The following GAB4 variants were observed in gnomAD, a reference collection of about 807,000 sequenced individuals.
The protein encoded by GAB4 is GRB2 associated binding protein family member 4, also known as GRB2-associated-binding protein 4.
Under a neutral mutation model 51.3 loss-of-function variants are expected in GAB4, and 26 were observed. That is an observed-to-expected ratio of 0.51 (90% CI 0.37 to 0.70). The LOEUF is 0.70. GAB4 is among the 30% of genes least tolerant of loss of function. GAB4 has a pLI of 0.00. For synonymous variants in GAB4, 329 were observed against 291.2 expected (o/e 1.13, Z -1.32); for missense variants, 759 against 734.6 (o/e 1.03, Z -0.38).
intron 8 of GAB4, among the ~76,000 whole-genome samples, 157 bp downstream of exon 8, chr22:16,964,609 T>C (rs978080909): frequency 6.6e-6 from 1 of 152,164 alleles, no homozygotes; most frequent in Non-Finnish European, 1.5e-5. Flanking sequence ...GATTGCCTGA[T>C]ACACCTGTGC....
chr22:16,965,044 T>C (rs1333964015), intron 7 of GAB4, 134 bp downstream of exon 7: 6 of 748,174 alleles, frequency 8.0e-6, no homozygotes, highest in Admixed American at 2.8e-5. Context: ...TCACGCCTCA[T>C]GAGACGGAGA....
intron 3 of GAB4, among the ~76,000 whole-genome samples, chr22:16,971,968 T>C (rs1425237108): frequency 1.3e-5 from 2 of 152,102 alleles, no homozygotes. Context: ...ACTGAACACG[T>C]CTCTAGAGCA....
At chr22:16,970,449 C>G (rs1357002884) in intron 3 of GAB4, among the ~76,000 whole-genome samples, 1 of 152,160 alleles carries the variant, frequency 6.6e-6, no homozygotes, top group Non-Finnish European at 1.5e-5. Flanking sequence ...GCTTAGAAAT[C>G]AGACTCTAGT....
chr22:16,980,727 A>G lies in GAB4; in HGVS notation c.686+7233T>C, dbSNP rs533803041. On this transcript the variant is annotated intron_variant, in intron 3 of 9. Transcript: ENST00000400588. ...ACACCCGTATGTTTATTGCAGCACTATTCACAATAGCAAAGACTTGGAACC... is the reference window on the plus strand; with the variant it reads ...ACACCCGTATGTTTATTGCAGCACTGTTCACAATAGCAAAGACTTGGAACC... 1.4e-3 allele frequency among the ~76,000 whole-genome samples: 214 copies of G among 152,314 alleles called. 3 individuals carry two copies. The highest frequency in any genetic ancestry group is 2.5e-3 in the Non-Finnish European group (172 of 68,024).
chr22:17,002,613 G>C (rs1174457647), intron 1 of GAB4, among the ~76,000 whole-genome samples: 2 of 151,938 alleles, frequency 1.3e-5, no homozygotes, highest in African/African-American at 4.8e-5. Context: ...CTCACTCATA[G>C]GTGGGAATTG....
intron 1 of GAB4, among the ~76,000 whole-genome samples, chr22:16,998,401 G>A (rs560824790): frequency 6.6e-6 from 1 of 152,236 alleles, no homozygotes; most frequent in South Asian, 2.1e-4. Flanking sequence ...TATTCTCTTT[G>A]AAGCAATTGT....
intron 1 of GAB4, among the ~76,000 whole-genome samples, chr22:17,007,645 G>T (rs1021753632): frequency 5.3e-5 from 8 of 152,148 alleles, no homozygotes; most frequent in Non-Finnish European, 1.2e-4. Flanking sequence ...GCCGTTTTGC[G>T]AGGCTGCGGA....
At chr22:17,002,718 C>G (rs1285256590) in intron 1 of GAB4, among the ~76,000 whole-genome samples, 1 of 152,036 alleles carries the variant, frequency 6.6e-6, no homozygotes. Context: ...GGAGATATAC[C>G]TAATGTTAAA....
chr22:16,992,998 G>C (rs56401756), intron 1 of GAB4, among the ~76,000 whole-genome samples: 17,822 of 152,122 alleles, frequency 0.12, 1,173 homozygotes, highest in Admixed American at 0.17. Flanking sequence ...AGCACTGAGA[G>C]ACCTTTTTTC....
rs148866383 is a variant in GAB4 at position 16,988,199 on chromosome 22, T to C, written c.479-32A>G. On this transcript the variant is annotated intron_variant, in intron 2 of 9. Coordinates refer to ENST00000400588, the MANE Select transcript of GAB4 (RefSeq NM_001037814.1). ...ATGAAACAGGAAGGAAGGGCATCCT[T>C]GTCCTAAAGTGGGCTGCTAGAGGCA... 2.4e-5 allele frequency: 36 copies of C among 1,479,832 alleles called. 1 individual carries two copies. The African/African-American group carries it at 3.6e-4, about 15-fold the overall frequency. The allele number at this position is 1,479,832 out of a possible 1,614,324, so 91.7% of individuals were successfully genotyped here.
chr22:17,006,977 C>T (rs531542030), intron 1 of GAB4, among the ~76,000 whole-genome samples: 4 of 152,150 alleles, frequency 2.6e-5, no homozygotes, highest in South Asian at 2.1e-4. Flanking sequence ...CCACGTTCTG[C>T]ACATGTATCC....
chr22:16,990,709 G>A (rs773647838), intron 2 of GAB4, among the ~76,000 whole-genome samples: 2 of 152,178 alleles, frequency 1.3e-5, no homozygotes, highest in Non-Finnish European at 2.9e-5. Context: ...TCAGCACCAA[G>A]CCATGGCTAT....
chr22:16,976,434 A>G (rs2060779148), intron 3 of GAB4, among the ~76,000 whole-genome samples: 1 of 152,218 alleles, frequency 6.6e-6, no homozygotes, highest in Non-Finnish European at 1.5e-5. Flanking sequence ...TTGAAGATCA[A>G]CTTAATGAAA....
At chr22:16,973,828 G>A (rs2060754406) in intron 3 of GAB4, among the ~76,000 whole-genome samples, 1 of 152,168 alleles carries the variant, frequency 6.6e-6, no homozygotes, top group Non-Finnish European at 1.5e-5. Flanking sequence ...GCTCCCATCA[G>A]AACATGGACC....
intron 1 of GAB4, among the ~76,000 whole-genome samples, chr22:16,997,404 G>C (rs1021011415): frequency 6.6e-6 from 1 of 152,174 alleles, no homozygotes; most frequent in African/African-American, 2.4e-5. Context: ...GTGATGATGA[G>C]CATTTTTTCA....
intron 2 of GAB4, among the ~76,000 whole-genome samples, chr22:16,990,699 T>C (rs12158210): frequency 0.011 from 1,618 of 152,292 alleles, 26 homozygotes; most frequent in African/African-American, 0.036. Context: ...TGGGGGTCTA[T>C]CAGCACCAAG....
At chr22:16,972,601 T>C (rs1329203007) in intron 3 of GAB4, among the ~76,000 whole-genome samples, 1 of 152,160 alleles carries the variant, frequency 6.6e-6, no homozygotes, top group African/African-American at 2.4e-5. Flanking sequence ...ATGCCCATCA[T>C]CTTCCTCCTG....
At chr22:16,988,637 C>T (rs1203412654) in intron 2 of GAB4, among the ~76,000 whole-genome samples, 2 of 152,216 alleles carry the variant, frequency 1.3e-5, no homozygotes, top group Non-Finnish European at 2.9e-5. Context: ...CTCAGACTCT[C>T]CTGTGGTGTT....
In GAB4 at chr22:16,970,170, G is replaced by A. The variant is rs753430005; in HGVS notation, c.710C>T (p.Ser237Phe). 6 of 1,614,152 alleles carry A rather than the reference G, an allele frequency of 3.7e-6. No individual in the cohort carries two copies. The South Asian group carries it at 4.4e-5, about 12-fold the overall frequency. The change falls in exon 4 of 10, where the codon TCT becomes TTT. Residue 237 changes from serine (S) to phenylalanine (F), a missense_variant. By Grantham distance (155) the Ser-to-Phe change is radical (BLOSUM62 -2). Transcript: ENST00000400588. ...HARSASFSQG[S>F]EAPFIMRRNT... ...TCTCCTCATGATGAATGGGGCCTCA[G>A]AACCCTGGGAGAAGCTGGCACTCCT...
Sources: gnomAD v4.1 joint callset for allele counts (sites outside exome capture counted in the v4.1 genomes callset) on GRCh38, gnomAD v4.1.1 for gene constraint, MANE v1.5 for transcripts, NCBI Gene and HGNC (gene_info 2026-07-23, HGNC 2026-07-21) for gene names.